The following TMEM150C variants were observed in gnomAD, a reference collection of about 807,000 sequenced individuals.
TMEM150C encodes the protein tentonin 3.
TMEM150C carries 10 observed loss-of-function variants against 29.9 expected under a neutral mutation model. That is an observed-to-expected ratio of 0.33 (90% CI 0.21 to 0.57). The LOEUF (loss-of-function observed/expected upper bound fraction) is 0.57. Among genes scored for constraint, TMEM150C ranks in the 20% least tolerant of loss-of-function variants. The pLI is 0.88. For missense variants in TMEM150C, 251 were observed against 303.6 expected, an observed-to-expected ratio of 0.83 and a Z score of 1.29; for synonymous variants, 101 against 112.5, an observed-to-expected ratio of 0.90 and a Z score of 0.64.
Position 82,485,695 on chromosome 4 carries a change from A to T in TMEM150C, c.566T>A (p.Ile189Asn). 6.2e-7 allele frequency: 1 copy of T among 1,608,244 alleles called. No homozygotes were observed. The highest frequency in any genetic ancestry group is 1.7e-5 in the Admixed American group (1 of 59,160). Residue 189 changes from isoleucine (I) to asparagine (N), a missense_variant, in exon 8 of 8, where the codon ATC (isoleucine) becomes AAC (asparagine). Coordinates refer to ENST00000449862, the MANE Select transcript of TMEM150C (RefSeq NM_001080506.3). ...VLYFILMAQS[I>N]HMYAARVQWG... ...CTGGACCCTGGCTGCATACATGTGG[A>T]TGCTTTGGGCCATGAGGATGAAGTC...
intron 7 of TMEM150C, among the ~76,000 whole-genome samples, chr4:82,487,113 G>T (rs554402239): frequency 1.3e-5 from 2 of 152,038 alleles, no homozygotes; most frequent in Admixed American, 1.3e-4. Flanking sequence ...GATTCCACGT[G>T]TTCAGAAAGA....
intron 1 of TMEM150C, chr4:82,509,801 T>C (rs1245016374): frequency 6.6e-6 from 1 of 151,328 alleles, no homozygotes; most frequent in African/African-American, 2.4e-5. Context: ...TCTCAAAAAA[T>C]AAACAAACAA....
intron 1 of TMEM150C, among the ~76,000 whole-genome samples, chr4:82,518,558 G>C (rs1029795807): frequency 2.0e-5 from 3 of 152,190 alleles, no homozygotes; most frequent in Non-Finnish European, 4.4e-5. Context: ...ATCATACGTT[G>C]ACACCATTTT....
intron 1 of TMEM150C, among the ~76,000 whole-genome samples, chr4:82,537,068 A>G (rs945748596): frequency 1.3e-5 from 2 of 151,838 alleles, no homozygotes; most frequent in African/African-American, 4.8e-5. Context: ...TACAAGCTCC[A>G]CCTCCCAGGT....
intron 7 of TMEM150C, among the ~76,000 whole-genome samples, chr4:82,488,164 C>T (rs1723221395): frequency 1.3e-5 from 2 of 152,188 alleles, no homozygotes; most frequent in South Asian, 4.1e-4. Flanking sequence ...GCTTAGCTCC[C>T]ACTTATGAGT....
intron 5 of TMEM150C, among the ~76,000 whole-genome samples, chr4:82,501,114 C>T (rs1214911539): frequency 6.6e-6 from 1 of 152,016 alleles, no homozygotes; most frequent in Non-Finnish European, 1.5e-5. Flanking sequence ...AATGCAAATG[C>T]AAATGCAAAT....
intron 1 of TMEM150C, among the ~76,000 whole-genome samples, chr4:82,510,974 T>C (rs1724104236): frequency 6.6e-6 from 1 of 152,242 alleles, no homozygotes; most frequent in Admixed American, 6.5e-5. Flanking sequence ...GGACTGTTTA[T>C]TTTGTTTTTC....
At chr4:82,514,640 T>C (rs1351533618) in intron 1 of TMEM150C, among the ~76,000 whole-genome samples, 17 of 152,160 alleles carry the variant, frequency 1.1e-4, no homozygotes, top group Admixed American at 1.0e-3. Context: ...ATTCTTCTCT[T>C]CTTCCACTGT....
intron 1 of TMEM150C, among the ~76,000 whole-genome samples, chr4:82,559,181 A>G (rs1363342316): frequency 6.6e-6 from 1 of 152,114 alleles, no homozygotes; most frequent in East Asian, 1.9e-4. Flanking sequence ...CTCAGCCCAC[A>G]TGCACCCAGG....
chr4:82,552,855 C>G (rs1725625588), intron 1 of TMEM150C, among the ~76,000 whole-genome samples: 1 of 152,118 alleles, frequency 6.6e-6, no homozygotes, highest in Non-Finnish European at 1.5e-5. Flanking sequence ...CAGGGTCTGC[C>G]CAGGCCAGCC....
Position 82,486,335 on chromosome 4 carries a change from T to TAAAAAAAAAAAAAAA in TMEM150C, c.542-631_542-617dup, listed in dbSNP as rs527967958. ...TGGTGGACAGAGCGAGACTCCATCT[T>TAAAAAAAAAAAAAAA]AAAAAAAAAAAAAAAAAAAAAAAAA... is the stretch of plus-strand genomic sequence containing the variant. On this transcript the variant is annotated intron_variant, in intron 7 of 7. Coordinates refer to ENST00000449862, the MANE Select transcript of TMEM150C (RefSeq NM_001080506.3). Among the ~76,000 whole-genome samples the TAAAAAAAAAAAAAAA allele has an allele frequency of 9.7e-5, 5 of 51,304 alleles. 1 individual carries two copies. Among genetic ancestry groups the TAAAAAAAAAAAAAAA allele is most frequent in the African/African-American group, 3.6e-4 (4 of 11,152 alleles). The allele number at this position is 51,304 out of a possible 152,430, so 33.7% of individuals were successfully genotyped here. A position where few individuals can be genotyped will look rare whatever the true frequency, so the allele number is the denominator to read the frequency against.
chr4:82,490,800 A>G lies in TMEM150C; in HGVS notation c.364-562T>C, dbSNP rs1723316560. 1.1e-5 allele frequency: 5 copies of G among 475,370 alleles called. No homozygotes were observed. In the Admixed American group the frequency reaches 1.5e-4, roughly 14 times the overall value. 29.4% of individuals were successfully genotyped at this position (475,370 alleles called of 1,614,324 possible). On this transcript the variant is annotated intron_variant, in intron 6 of 7. Coordinates refer to ENST00000449862, the MANE Select transcript of TMEM150C (RefSeq NM_001080506.3). ...GTATTACTTTAATTGTTTTTTAAGTACAGAAAACTCAACAGTGTATATTTA... is the reference window on the plus strand; with the variant it reads ...GTATTACTTTAATTGTTTTTTAAGTGCAGAAAACTCAACAGTGTATATTTA...
At chr4:82,504,510 T>C in intron 2 of TMEM150C, 68 bp downstream of exon 2, 3 of 1,369,644 alleles carry the variant, frequency 2.2e-6, no homozygotes, top group Non-Finnish European at 3.1e-6. Context: ...TGCCATATAC[T>C]ATTAAGGTTT....
chr4:82,550,609 A>C (rs1725542551), intron 1 of TMEM150C, among the ~76,000 whole-genome samples: 1 of 152,018 alleles, frequency 6.6e-6, no homozygotes, highest in Non-Finnish European at 1.5e-5. Context: ...GACCACGGTG[A>C]AACCCTGTTT....
chr4:82,540,140 T>C (rs1578150629), intron 1 of TMEM150C, among the ~76,000 whole-genome samples: 6 of 107,170 alleles, frequency 5.6e-5, no homozygotes, highest in African/African-American at 2.1e-4. Context: ...TTTTTTTTTT[T>C]TTTTTTTTTT....
At chr4:82,520,462 T>C (rs1724447020) in intron 1 of TMEM150C, among the ~76,000 whole-genome samples, 1 of 152,164 alleles carries the variant, frequency 6.6e-6, no homozygotes, top group African/African-American at 2.4e-5. Flanking sequence ...CTTAGACACC[T>C]CAATTTCTCC....
intron 1 of TMEM150C, among the ~76,000 whole-genome samples, chr4:82,549,872 A>AAGAGCAG (rs1725512546): frequency 6.6e-6 from 1 of 152,210 alleles, no homozygotes; most frequent in Non-Finnish European, 1.5e-5. Flanking sequence ...GGAGCTAGCA[A>AAGAGCAG]AGAGCAGAGA....
At chr4:82,561,792 C>T in intron 1 of TMEM150C, 114 bp downstream of exon 1, 5 of 794,238 alleles carry the variant, frequency 6.3e-6, no homozygotes, top group Non-Finnish European at 7.6e-6. Context: ...CCGCCCCAGC[C>T]GCGCTGCAGC....
Position 82,484,693 on chromosome 4 carries a change from G to A in TMEM150C, c.*818C>T, listed in dbSNP as rs1346341431. ...TTTGGTCTACATCTTTGTCCATGAGGCTTAGAGAGACTCATGGTAGTTACT... is the reference window on the plus strand; with the variant it reads ...TTTGGTCTACATCTTTGTCCATGAGACTTAGAGAGACTCATGGTAGTTACT... On this transcript the variant is annotated 3_prime_UTR_variant, in exon 8 of 8. Transcript: ENST00000449862. The A allele has an allele frequency of 1.3e-5, 2 of 152,162 alleles. No individual in the cohort carries two copies. Among genetic ancestry groups the A allele is most frequent in the Admixed American group, 1.3e-4 (2 of 15,282 alleles). The allele number at this position is 152,162 out of a possible 1,614,324, so 9.4% of individuals were successfully genotyped here. A position where few individuals can be genotyped will look rare whatever the true frequency, so the allele number is the denominator to read the frequency against.
Sources: gnomAD v4.1 joint callset for allele counts (sites outside exome capture counted in the v4.1 genomes callset) on GRCh38, gnomAD v4.1.1 for gene constraint, MANE v1.5 for transcripts, NCBI Gene and HGNC (gene_info 2026-07-23, HGNC 2026-07-21) for gene names.